Variants in CASK observed in about 807,000 individuals in gnomAD.
CASK encodes peripheral plasma membrane protein CASK.
Under a neutral mutation model 82.9 loss-of-function variants are expected in CASK, and 4 were observed. The observed-to-expected ratio is 0.05, with a 90% CI of 0.02 to 0.11. CASK has a LOEUF of 0.11. CASK is among the 10% of genes least tolerant of loss of function. CASK has a pLI of 1.00. For synonymous variants in CASK, 259 were observed against 253.5 expected (o/e 1.02, Z -0.20); for missense variants, 358 against 720.9 (o/e 0.50, Z 5.76).
At chrX:41,625,942 CTTTTTTT>C (rs748063155) in intron 10 of CASK, among the ~76,000 whole-genome samples, 76 of 40,348 alleles carry the variant, frequency 1.9e-3, no homozygotes, top group Non-Finnish European at 3.2e-3. Flanking sequence ...GCACGCCTGG[CTTTTTTT>C]TTTTTTTTTT....
chrX:41,913,368 T>A (rs1219975043), intron 1 of CASK, among the ~76,000 whole-genome samples: 3 of 111,887 alleles, frequency 2.7e-5, no homozygotes, highest in African/African-American at 9.7e-5. Context: ...ATTTAAAAAA[T>A]AATAATAATG....
intron 2 of CASK, among the ~76,000 whole-genome samples, chrX:41,841,371 C>T (rs897784515): frequency 9.0e-6 from 1 of 111,157 alleles, no homozygotes; most frequent in Non-Finnish European, 1.9e-5. Flanking sequence ...CTATTCAAAT[C>T]CATTATCATT....
At chrX:41,880,133 C>T (rs2071920573) in intron 1 of CASK, among the ~76,000 whole-genome samples, 1 of 111,700 alleles carries the variant, frequency 9.0e-6, no homozygotes, top group East Asian at 2.8e-4. Flanking sequence ...TGAGAGAGAT[C>T]AAGGCACTTC....
At position 41,534,921 on chromosome X, in the gene CASK, T is replaced by C; in HGVS notation, c.2208A>G (p.Ala736=). 3.3e-6 allele frequency: 4 copies of C among 1,200,917 alleles called. No homozygotes were observed. The highest frequency in any genetic ancestry group is 4.5e-6 in the Non-Finnish European group (4 of 885,941). Residue 736 remains alanine (A), a synonymous_variant, in exon 23 of 27, where the codon GCA becomes GCG. Transcript: ENST00000378163. The part of the protein sequence containing the change: ...VTYEEVVKLP[A]FKRKTLVLLG... The stretch of plus-strand genomic sequence containing the variant: ...ATAAGACTAGTGTTTTCCTCTTGAA[T>C]GCTGGCAGTTTTACTACTTCTTCAT...
In CASK at chrX:41,583,214, A is replaced by C. The variant is rs921689149; in HGVS notation, c.1314+3693T>G. Among the ~76,000 whole-genome samples, 6 of 112,250 alleles carry C rather than the reference A, an allele frequency of 5.3e-5. No homozygotes were observed. In the East Asian group the frequency reaches 1.1e-3, roughly 21 times the overall value. ...TATTAACTTCTCTCTGACTTCAGAA[A>C]AGCAAAACATATCGAGACTTAGAAG... On this transcript the variant is annotated intron_variant, in intron 14 of 26. Coordinates refer to ENST00000378163, the MANE Select transcript of CASK (RefSeq NM_001367721.1).
intron 2 of CASK, among the ~76,000 whole-genome samples, chrX:41,790,821 A>T (rs1214195271): frequency 8.9e-6 from 1 of 112,547 alleles, no homozygotes; most frequent in Non-Finnish European, 1.9e-5. Context: ...CACGAATATT[A>T]AACTCAAAAT....
chrX:41,598,104 A>G (rs2065845616), intron 12 of CASK, among the ~76,000 whole-genome samples: 1 of 106,732 alleles, frequency 9.4e-6, no homozygotes. Flanking sequence ...GCATGACCGC[A>G]CTCCAGCCGG....
chrX:41,590,369 G>A (rs1229590499), intron 12 of CASK, among the ~76,000 whole-genome samples: 6 of 108,286 alleles, frequency 5.5e-5, no homozygotes, highest in African/African-American at 2.0e-4. Flanking sequence ...AATTTGCCGG[G>A]CATAGTGGTG....
At chrX:41,525,991 A>G (rs1169567785) in intron 25 of CASK, among the ~76,000 whole-genome samples, 1 of 112,262 alleles carries the variant, frequency 8.9e-6, no homozygotes, top group Non-Finnish European at 1.9e-5. Flanking sequence ...TTAAGCTTGC[A>G]TATGTTAATT....
chrX:41,589,872 A>G (rs2065717286), intron 12 of CASK: 1 of 306,023 alleles, frequency 3.3e-6, no homozygotes, highest in South Asian at 4.2e-5. Flanking sequence ...ATATTTCCTC[A>G]ATCACAGTGT....
chrX:41,660,467 T>G lies in CASK; in HGVS notation c.803A>C (p.Tyr268Ser). The change falls in exon 8 of 27, where the codon TAT becomes TCT. Residue 268 changes from tyrosine (Y) to serine (S), a missense_variant. By Grantham distance (144) the Tyr-to-Ser change is moderately radical. This residue lies in a region of CASK where 70 missense variants were observed against 228.4 expected (regional missense o/e 0.31). Coordinates refer to ENST00000378163, the MANE Select transcript of CASK (RefSeq NM_001367721.1). ...AAGCCATGGGTGATTCAGTGCTTCA[T>G]AAACAGTGATCCTTTCAGCTGGATC... Reference protein sequence around the residue: ...MLDPAERITVYEALNHPWLKE... With the variant: ...MLDPAERITVSEALNHPWLKE... 1 of 1,211,067 alleles carries G rather than the reference T, an allele frequency of 8.3e-7. No homozygotes were observed. Among genetic ancestry groups the G allele is most frequent in the Non-Finnish European group, 1.1e-6 (1 of 894,730 alleles).
chrX:41,594,611 G>A (rs1275591216), intron 12 of CASK, among the ~76,000 whole-genome samples: 1 of 111,884 alleles, frequency 8.9e-6, no homozygotes, highest in East Asian at 2.8e-4. Flanking sequence ...GGCCGCCTGG[G>A]GCAGGCCATG....
intron 2 of CASK, among the ~76,000 whole-genome samples, chrX:41,829,159 C>T (rs2070732800): frequency 9.0e-6 from 1 of 111,168 alleles, no homozygotes. Context: ...CAATGTATAC[C>T]TATCCTTCCT....
intron 13 of CASK, 59 bp from the exon 14 acceptor site, chrX:41,587,046 A>G: frequency 1.5e-6 from 1 of 684,085 alleles, no homozygotes; most frequent in Non-Finnish European, 2.3e-6. Flanking sequence ...ACAAAATGTT[A>G]AATTCTTTTA....
chrX:41,572,293 T>C (rs1431942948), intron 15 of CASK, among the ~76,000 whole-genome samples: 1 of 111,068 alleles, frequency 9.0e-6, no homozygotes, highest in Non-Finnish European at 1.9e-5. Flanking sequence ...ATGAAGTGCA[T>C]GTTTTACAAG....
intron 5 of CASK, chrX:41,728,605 A>T (rs1265211111): frequency 1.7e-5 from 2 of 121,072 alleles, no homozygotes; most frequent in Admixed American, 9.5e-5. Context: ...TCAGCTGGAC[A>T]TGGTGGTGGG....
chrX:41,838,851 G>A (rs960438622), intron 2 of CASK, among the ~76,000 whole-genome samples: 1 of 111,488 alleles, frequency 9.0e-6, no homozygotes, highest in African/African-American at 3.3e-5. Flanking sequence ...TTAAATTGAG[G>A]TTCATTTTTG....
At chrX:41,766,270 T>C (rs980296207) in intron 3 of CASK, among the ~76,000 whole-genome samples, 10 of 112,019 alleles carry the variant, frequency 8.9e-5, no homozygotes, top group Non-Finnish European at 1.3e-4. Context: ...CTGCATTCAA[T>C]AGTCTTATTT....
At chrX:41,651,090 C>T (rs1001935973) in intron 8 of CASK, among the ~76,000 whole-genome samples, 7 of 112,021 alleles carry the variant, frequency 6.2e-5, no homozygotes, top group South Asian at 3.7e-4. Context: ...TTACTTAGAA[C>T]GAGAACTATA....
Sources: gnomAD v4.1 joint callset for allele counts (sites outside exome capture counted in the v4.1 genomes callset) on GRCh38, gnomAD v4.1.1 for gene constraint, gnomAD v4.1.1 regional missense constraint, MANE v1.5 for transcripts, NCBI Gene and HGNC (gene_info 2026-07-23, HGNC 2026-07-21) for gene names.